Variants in MSTO1 observed in about 807,000 individuals in gnomAD.
MSTO1 encodes the protein misato mitochondrial distribution and morphology regulator 1, also known as protein misato homolog 1.
In MSTO1, 24 loss-of-function variants were observed where a neutral mutation model predicts 55.7. That is an observed-to-expected ratio of 0.43 (90% CI 0.31 to 0.61). MSTO1 has a LOEUF of 0.61. MSTO1 is among the 20% of genes least tolerant of loss of function. The pLI, the probability that MSTO1 is intolerant of heterozygous loss-of-function variation, is 0.09. For missense variants in MSTO1, 363 were observed against 625.7 expected, an observed-to-expected ratio of 0.58 and a Z score of 4.48; for synonymous variants, 162 against 252.8, an observed-to-expected ratio of 0.64 and a Z score of 3.41.
the MSTO1 span, among the ~76,000 whole-genome samples, chr1:155,600,735 A>G: frequency 1.3e-5 from 2 of 152,106 alleles, no homozygotes; most frequent in East Asian, 3.9e-4. Context: ...TTTAGTATAG[A>G]CAGGGTTTTG....
chr1:155,576,336 T>C, the MSTO1 span, among the ~76,000 whole-genome samples: 3 of 152,238 alleles, frequency 2.0e-5, no homozygotes, highest in African/African-American at 7.2e-5. Flanking sequence ...GTTTTGTTTT[T>C]GTTTTTGTTT....
chr1:155,570,411 T>G, the MSTO1 span, among the ~76,000 whole-genome samples: 4 of 152,200 alleles, frequency 2.6e-5, no homozygotes, highest in African/African-American at 7.2e-5. Context: ...TGGTCAGTCA[T>G]TGACATCATC....
the MSTO1 span, among the ~76,000 whole-genome samples, chr1:155,569,158 CAG>C: frequency 1.3e-5 from 2 of 151,834 alleles, no homozygotes; most frequent in African/African-American, 2.4e-5. Flanking sequence ...TATTTTGAAA[CAG>C]AGTCTTGCAC....
the MSTO1 span, among the ~76,000 whole-genome samples, chr1:155,568,117 T>C: frequency 1.3e-5 from 2 of 151,458 alleles, no homozygotes; most frequent in Admixed American, 6.6e-5. Context: ...TCTCACTCTA[T>C]TGCCCAGGCT....
At chr1:155,590,553 C>A in the MSTO1 span, 1 of 944,140 alleles carries the variant, frequency 1.1e-6, no homozygotes, top group Non-Finnish European at 1.6e-6. Flanking sequence ...TGGGCACTGC[C>A]ACTTCTGGAT....
At chr1:155,585,255 A>G in the MSTO1 span, among the ~76,000 whole-genome samples, 17 of 152,252 alleles carry the variant, frequency 1.1e-4, no homozygotes, top group South Asian at 4.1e-4. Flanking sequence ...CGGGCGTGGT[A>G]GCTCACGCCT....
chr1:155,599,327 G>A, the MSTO1 span, among the ~76,000 whole-genome samples: 1 of 152,182 alleles, frequency 6.6e-6, no homozygotes, highest in Non-Finnish European at 1.5e-5. Context: ...GCTTCCTGAA[G>A]CCTTTTGATG....
At chr1:155,567,308 A>AT in the MSTO1 span, among the ~76,000 whole-genome samples, 3,796 of 123,396 alleles carry the variant, frequency 0.031, 140 homozygotes, top group African/African-American at 0.068. Flanking sequence ...AATTTTTGTA[A>AT]TTTTTTTTTT....
At chr1:155,576,457 G>C in the MSTO1 span, among the ~76,000 whole-genome samples, 1 of 151,814 alleles carries the variant, frequency 6.6e-6, no homozygotes, top group Non-Finnish European at 1.5e-5. Context: ...CTCCTGAGTA[G>C]CTGGGACTAC....
At chr1:155,599,280 G>C in the MSTO1 span, among the ~76,000 whole-genome samples, 1 of 152,178 alleles carries the variant, frequency 6.6e-6, no homozygotes, top group South Asian at 2.1e-4. Context: ...CAGGTTACAA[G>C]GTGAAGTCAA....
At chr1:155,581,387 T>G in the MSTO1 span, among the ~76,000 whole-genome samples, 3 of 152,062 alleles carry the variant, frequency 2.0e-5, no homozygotes, top group African/African-American at 2.4e-5. Flanking sequence ...GAGAAGTATT[T>G]TATTTTACTT....
At chr1:155,610,591 CT>C in intron 2 of MSTO1, 31 bp downstream of exon 2, 1 of 1,007,962 alleles carries the variant, frequency 9.9e-7, no homozygotes, top group Non-Finnish European at 1.4e-6. Context: ...GCCGATGCCC[CT>C]TATTTCCCTT....
At chr1:155,563,665 G>C in the MSTO1 span, 1 of 430,046 alleles carries the variant, frequency 2.3e-6, no homozygotes, top group Non-Finnish European at 4.8e-6. Context: ...TTTTCATTCA[G>C]TTCTGGACTT....
the MSTO1 span, among the ~76,000 whole-genome samples, chr1:155,568,772 ATGTT>A: frequency 6.6e-6 from 1 of 151,948 alleles, no homozygotes; most frequent in Non-Finnish European, 1.5e-5. Flanking sequence ...GTTTACGAAA[ATGTT>A]TGGGAACAAA....
the MSTO1 span, chr1:155,590,813 G>C: frequency 6.2e-7 from 1 of 1,606,742 alleles, no homozygotes; most frequent in Non-Finnish European, 8.5e-7. Context: ...TCAGCCACCA[G>C]GGGGTTATAG....
the MSTO1 span, among the ~76,000 whole-genome samples, chr1:155,578,665 C>T: frequency 1.1e-4 from 17 of 151,210 alleles, no homozygotes; most frequent in Admixed American, 9.9e-4. Flanking sequence ...CGCCCGCCAC[C>T]GCGCCCGGCT....
chr1:155,588,003 C>T, the MSTO1 span, among the ~76,000 whole-genome samples: 3 of 151,632 alleles, frequency 2.0e-5, no homozygotes, highest in Non-Finnish European at 4.4e-5. Flanking sequence ...GCCAGGAGTT[C>T]GAGACCAGCC....
the MSTO1 span, among the ~76,000 whole-genome samples, chr1:155,579,938 C>T: frequency 2.6e-5 from 4 of 151,720 alleles, no homozygotes; most frequent in Admixed American, 6.6e-5. Flanking sequence ...ATTAGCCAGG[C>T]GTGGTGGTGT....
In MSTO1 at chr1:155,613,094, C is replaced by T; in HGVS notation, c.1144C>T (p.Gln382Ter). 2 of 1,613,812 alleles carry T rather than the reference C, an allele frequency of 1.2e-6. No individual in the cohort carries two copies. The highest frequency in any genetic ancestry group is 1.7e-6 in the Non-Finnish European group (2 of 1,180,008). Residue 382 changes from glutamine to a stop codon, truncating the protein, a stop_gained, in exon 11 of 14, where the codon CAG becomes TAG. Coordinates refer to ENST00000245564, the MANE Select transcript of MSTO1 (RefSeq NM_018116.4). LOFTEE classifies it high-confidence loss of function. ...CATCCCTTTCCCCTTGGCTCCAGGC[C>T]AGTCCCTTCCTGATTCCCTGATGCA... is the stretch of plus-strand genomic sequence containing the variant. Reference protein sequence around the residue: ...AIIPFPLAPGQSLPDSLMQFG... With the variant: ...AIIPFPLAPG
Sources: allele counts gnomAD v4.1 joint callset (sites outside exome capture counted in the v4.1 genomes callset), GRCh38; gene constraint gnomAD v4.1.1; transcripts MANE v1.5; gene names NCBI Gene and HGNC (gene_info 2026-07-23, HGNC 2026-07-21).